AHDC1: variants seen among roughly 807,000 people sequenced by gnomAD.
AHDC1 encodes the protein AT-hook DNA binding motif containing 1.
A neutral mutation model predicts 87.9 loss-of-function variants in AHDC1; 7 were observed. The ratio of observed to expected loss-of-function variants is 0.08; its 90% CI spans 0.05 to 0.15. The LOEUF is 0.15. AHDC1 is among the 10% of genes least tolerant of loss of function. The probability of loss-of-function intolerance (pLI) is 1.00; values close to 1 mark genes in which losing one functional copy is unlikely to be tolerated. For synonymous variants in AHDC1, 1,051 were observed against 1,006.8 expected, an observed-to-expected ratio of 1.04 and a Z score of -0.83; for missense variants, 1,841 against 2,253.2, an observed-to-expected ratio of 0.82 and a Z score of 3.70.
chr1:27,579,641 G>A (rs1175492478), intron 3 of AHDC1, among the ~76,000 whole-genome samples: 1 of 152,132 alleles, frequency 6.6e-6, no homozygotes, highest in Non-Finnish European at 1.5e-5. Context: ...GAGGAATAAG[G>A]TTCTAGATCA....
chr1:27,581,799 C>T (rs552264364), intron 3 of AHDC1, among the ~76,000 whole-genome samples: 10 of 152,354 alleles, frequency 6.6e-5, no homozygotes, highest in Middle Eastern at 3.4e-3. Flanking sequence ...TTTAGCCTGA[C>T]ATTCAGGGGC....
At chr1:27,602,643 C>T (rs1473744459) in intron 3 of AHDC1, among the ~76,000 whole-genome samples, 1 of 152,208 alleles carries the variant, frequency 6.6e-6, no homozygotes, top group African/African-American at 2.4e-5. Context: ...TGTCACTCAG[C>T]ACCCCACCCC....
rs1226464264 is a variant in AHDC1 at position 27,561,256 on chromosome 1, C to A, written c.-628-2373G>T. The stretch of plus-strand genomic sequence containing the variant: ...ATTGGCTGCCCCCCATTCAGGCCCC[C>A]ACAGCTCGGCTCATCTTGGCCCTGT... On this transcript the variant is annotated intron_variant, in intron 3 of 8. Transcript: ENST00000673934. The surrounding 1 kb of genome is among the most constrained non-coding windows in gnomAD (Gnocchi z 4.2). 6.6e-6 allele frequency among the ~76,000 whole-genome samples: 1 copy of A among 152,214 alleles called. No homozygotes were observed. Among genetic ancestry groups the A allele is most frequent in the Non-Finnish European group, 1.5e-5 (1 of 68,044 alleles).
chr1:27,600,090 T>C (rs1385937443), intron 3 of AHDC1, among the ~76,000 whole-genome samples: 1 of 152,032 alleles, frequency 6.6e-6, no homozygotes, highest in African/African-American at 2.4e-5. Context: ...TTCCAGATTT[T>C]CTTGCCTGTT....
At position 27,548,219 on chromosome 1, in the gene AHDC1, T is replaced by A; in HGVS notation, c.3897A>T (p.Pro1299=). ...AAAKAKFIPK[P]QPVNPLFQDS... ...CCTGGAACAGTGGGTTGACTGGCTGTGGCTTGGGGATGAACTTGGCTTTGG... is the reference window on the plus strand; with the variant it reads ...CCTGGAACAGTGGGTTGACTGGCTGAGGCTTGGGGATGAACTTGGCTTTGG... The change falls in exon 8 of 9, where the codon CCA becomes CCT. Residue 1299 remains proline, a synonymous_variant. Transcript: ENST00000673934. 1 of 1,613,402 alleles carries A rather than the reference T, an allele frequency of 6.2e-7. No homozygotes were observed. Among genetic ancestry groups the A allele is most frequent in the Non-Finnish European group, 8.5e-7 (1 of 1,179,974 alleles).
At chr1:27,573,352 G>C (rs1259280143) in intron 3 of AHDC1, among the ~76,000 whole-genome samples, 2 of 149,972 alleles carry the variant, frequency 1.3e-5, no homozygotes, top group African/African-American at 5.1e-5. Flanking sequence ...CCGAACTCCT[G>C]GTTGCCCTTT....
rs573430072 is a variant in AHDC1 at position 27,587,317 on chromosome 1, C to A, written c.-629+16080G>T. Among the ~76,000 whole-genome samples the A allele has an allele frequency of 7.2e-5, 11 of 152,314 alleles. No individual in the cohort carries two copies. The East Asian group carries it at 2.1e-3, about 29-fold the overall frequency. On this transcript the variant is annotated intron_variant, in intron 3 of 8. Transcript: ENST00000673934. ...TGGATTTTCAGAGGGCGGCTCAGTTCCATGCTGCCCTCTCCCAGCCTAGCC... is the reference window on the plus strand; with the variant it reads ...TGGATTTTCAGAGGGCGGCTCAGTTACATGCTGCCCTCTCCCAGCCTAGCC...
At chr1:27,596,879 T>G (rs2089389992) in intron 3 of AHDC1, among the ~76,000 whole-genome samples, 3 of 151,838 alleles carry the variant, frequency 2.0e-5, no homozygotes, top group Admixed American at 2.0e-4. Flanking sequence ...TCCACACACC[T>G]TGGAGCTCCC....
intron 3 of AHDC1, among the ~76,000 whole-genome samples, chr1:27,559,176 C>T (rs1452326556): frequency 1.3e-5 from 2 of 152,072 alleles, no homozygotes; most frequent in African/African-American, 2.4e-5. Context: ...CTCAGCCTCC[C>T]GAGTAGCTGG....
intron 8 of AHDC1, among the ~76,000 whole-genome samples, chr1:27,542,334 C>A (rs1386635117): frequency 6.6e-6 from 1 of 152,196 alleles, no homozygotes; most frequent in Admixed American, 6.5e-5. Flanking sequence ...TAGGTGCTAT[C>A]ACAAAGCCTC....
At chr1:27,537,068 A>G (rs2018673585) in intron 8 of AHDC1, among the ~76,000 whole-genome samples, 1 of 152,204 alleles carries the variant, frequency 6.6e-6, no homozygotes, top group Non-Finnish European at 1.5e-5. Flanking sequence ...GGACTTGGCC[A>G]GCCAGAGACT....
At position 27,559,096 on chromosome 1, in the gene AHDC1, G is replaced by C. The variant is rs568647577; in HGVS notation, c.-628-213C>G. On this transcript the variant is annotated intron_variant, in intron 3 of 8. Transcript: ENST00000673934. ...GGGCCTCATCTCGTTTTGTGGCCCA[G>C]GTTGGAGTGCAGTGGCATGATCATA... Among the ~76,000 whole-genome samples, 122 of 152,248 alleles carry C rather than the reference G, an allele frequency of 8.0e-4. 5 individuals are homozygous for C. The South Asian group carries it at 0.022, about 28-fold the overall frequency.
At position 27,549,237 on chromosome 1, in the gene AHDC1, G is replaced by C; in HGVS notation, c.2879C>G (p.Thr960Ser). 1 of 1,604,858 alleles carries C rather than the reference G, an allele frequency of 6.2e-7. No homozygotes were observed. The highest frequency in any genetic ancestry group is 8.5e-7 in the Non-Finnish European group (1 of 1,174,900). Reference protein sequence around the residue: ...PPSAMARSPTTHPPANTYLPQ... With the variant: ...PPSAMARSPTSHPPANTYLPQ... ...CAGGTAGGTGTTGGCAGGCGGGTGG[G>C]TGGTAGGTGAGCGGGCCATGGCTGA... The change falls in exon 8 of 9, where the codon ACC becomes AGC. Residue 960 changes from threonine (T) to serine (S), a missense_variant. Physicochemically the swap from Thr to Ser is moderately conservative, Grantham distance 58 (BLOSUM62 1). Transcript: ENST00000673934.
Position 27,548,863 on chromosome 1 carries a change from C to A in AHDC1, c.3253G>T (p.Ala1085Ser). 6.2e-7 allele frequency: 1 copy of A among 1,612,462 alleles called. No individual in the cohort carries two copies. Among genetic ancestry groups the A allele is most frequent in the Non-Finnish European group, 8.5e-7 (1 of 1,179,670 alleles). The part of the protein sequence containing the change: ...TASATSAASA[A>S]SSSSSSFQPS... ...TGGAAGGAGGAGGAGGAGGAGGAGGCGGCAGAGGCTGCAGAGGTGGCAGAG... is the reference window on the plus strand; with the variant it reads ...TGGAAGGAGGAGGAGGAGGAGGAGGAGGCAGAGGCTGCAGAGGTGGCAGAG... Residue 1085 changes from alanine (A) to serine (S), a missense_variant, in exon 8 of 9, where the codon GCC becomes TCC. Ala to Ser is a moderately conservative substitution (Grantham distance 99). Transcript: ENST00000673934.
Position 27,574,795 on chromosome 1 carries a change from G to C in AHDC1, c.-628-15912C>G, listed in dbSNP as rs535441169. ...CCCCTGCCCAACAAAGGGCAGGGTA[G>C]ACCTCTTTCCTTCCCCAAGCCATAG... On this transcript the variant is annotated intron_variant, in intron 3 of 8. Transcript: ENST00000673934. Among the ~76,000 whole-genome samples, 3 of 152,296 alleles carry C rather than the reference G, an allele frequency of 2.0e-5. No homozygotes were observed. In the South Asian group the frequency reaches 6.2e-4, roughly 32 times the overall value.
chr1:27,593,280 G>A lies in AHDC1; in HGVS notation c.-629+10117C>T, dbSNP rs914172900. On this transcript the variant is annotated intron_variant, in intron 3 of 8. Transcript: ENST00000673934. This position sits in a 1 kb window ranked among gnomAD's most constrained non-coding sequence, Gnocchi z 4.9. ...TAGGATTACTTCTGCATGACTGCCC[G>A]CTCCACAGGGTTCCAGAGACCCTCC... is the stretch of plus-strand genomic sequence containing the variant. Among the ~76,000 whole-genome samples, 6 of 151,906 alleles carry A rather than the reference G, an allele frequency of 3.9e-5. No homozygotes were observed. The highest frequency in any genetic ancestry group is 2.1e-4 in the South Asian group (1 of 4,810).
At position 27,547,961 on chromosome 1, in the gene AHDC1, G is replaced by A. The variant is rs780103526; in HGVS notation, c.4155C>T (p.His1385=). 2 of 1,597,958 alleles carry A rather than the reference G, an allele frequency of 1.3e-6. No individual in the cohort carries two copies. Among genetic ancestry groups the A allele is most frequent in the South Asian group, 2.2e-5 (2 of 89,436 alleles). ...GGCCGGCGTCAAACACCGTGGGTGG[G>A]TGGGCCAGCGGTGGGAAATGCTTGC... The part of the protein sequence containing the change: ...LDGKHFPPLA[H]PPTVFDAGLQ... The change falls in exon 8 of 9, where the codon CAC becomes CAT. Residue 1385 remains histidine (H), a synonymous_variant. Transcript: ENST00000673934. This position sits in a 1 kb window ranked among gnomAD's most constrained non-coding sequence, Gnocchi z 4.9.
intron 8 of AHDC1, among the ~76,000 whole-genome samples, chr1:27,540,794 A>C (rs977160336): frequency 6.6e-6 from 1 of 151,834 alleles, no homozygotes; most frequent in Non-Finnish European, 1.5e-5. Context: ...GGCTGAAAAA[A>C]AGGTTGGGTG....
intron 3 of AHDC1, among the ~76,000 whole-genome samples, chr1:27,569,439 T>C (rs894936047): frequency 6.6e-5 from 10 of 152,210 alleles, no homozygotes; most frequent in Middle Eastern, 3.4e-3. Context: ...TGTCGCATCA[T>C]CTCAGCCTCC....
Sources: allele counts gnomAD v4.1 joint callset (sites outside exome capture counted in the v4.1 genomes callset), GRCh38; gene constraint gnomAD v4.1.1; non-coding constraint Gnocchi (gnomAD v3.1); transcripts MANE v1.5; gene names NCBI Gene and HGNC (gene_info 2026-07-23, HGNC 2026-07-21).